MYLK: variants seen among roughly 807,000 people sequenced by gnomAD.
The protein encoded by MYLK is myosin light chain kinase, smooth muscle.
In MYLK, 106 loss-of-function variants were observed where a neutral mutation model predicts 203.4. The ratio of observed to expected loss-of-function variants is 0.52; its 90% CI spans 0.45 to 0.61. The LOEUF is 0.61. MYLK is among the 20% of genes least tolerant of loss of function. The pLI, the probability that MYLK is intolerant of heterozygous loss-of-function variation, is 0.00. For missense variants in MYLK, 2,072 were observed against 2,442.3 expected (o/e 0.85, Z 3.20); for synonymous variants, 867 against 959.5 (o/e 0.90, Z 1.78).
chr3:123,617,430 C>T (rs958635029), intron 33 of MYLK: 1 of 152,188 alleles, frequency 6.6e-6, no homozygotes, highest in Non-Finnish European at 1.5e-5. Flanking sequence ...GGCAGCACAT[C>T]CACTTTCTTT....
intron 4 of MYLK, among the ~76,000 whole-genome samples, chr3:123,774,777 A>G (rs1471607841): frequency 1.3e-5 from 2 of 152,206 alleles, no homozygotes; most frequent in African/African-American, 2.4e-5. Context: ...GGCCTTCTTC[A>G]TGAGGTCTTC....
chr3:123,774,124 CT>C (rs2063978993), intron 4 of MYLK, among the ~76,000 whole-genome samples: 1 of 152,238 alleles, frequency 6.6e-6, no homozygotes, highest in South Asian at 2.1e-4. Context: ...TAAGGCTCCA[CT>C]TCTGAGGTTG....
intron 19 of MYLK, among the ~76,000 whole-genome samples, chr3:123,686,429 G>T (rs1040426519): frequency 6.6e-6 from 1 of 151,892 alleles, no homozygotes; most frequent in Admixed American, 6.6e-5. Context: ...CCCCACGCAG[G>T]GGGCATGAGG....
intron 19 of MYLK, chr3:123,691,806 C>T (rs2060680754): frequency 6.6e-6 from 1 of 152,206 alleles, no homozygotes; most frequent in South Asian, 2.1e-4. Context: ...AAACTATTTC[C>T]CCAAAACTAC....
rs2066322708 is a variant in MYLK at position 123,831,401 on chromosome 3, T to A, written c.-4+147A>T. 2.3e-6 allele frequency: 3 copies of A among 1,289,590 alleles called. No homozygotes were observed. In the East Asian group the frequency reaches 1.7e-4, roughly 72 times the overall value. The allele number at this position is 1,289,590 out of a possible 1,614,324, so 79.9% of individuals were successfully genotyped here. On this transcript the variant is annotated intron_variant, in intron 3 of 33. Coordinates refer to ENST00000360304, the MANE Select transcript of MYLK (RefSeq NM_053025.4). The stretch of plus-strand genomic sequence containing the variant: ...CATACTGCCTTCACTCTTACCTGCT[T>A]GGGCAGCTGGCCAGGTGCCATCTCA...
intron 1 of MYLK, among the ~76,000 whole-genome samples, chr3:123,882,550 G>A (rs560992462): frequency 2.6e-4 from 40 of 152,334 alleles, no homozygotes; most frequent in Non-Finnish European, 5.6e-4. Context: ...TCCCCACTGT[G>A]GGGTGGTTCT....
Position 123,739,050 on chromosome 3 carries a change from T to G in MYLK, c.435A>C (p.Ser145=), listed in dbSNP as rs747805468. The G allele has an allele frequency of 3.4e-5, 55 of 1,613,664 alleles. No homozygotes were observed. Among genetic ancestry groups the G allele is most frequent in the Non-Finnish European group, 4.6e-5 (54 of 1,179,928 alleles). Residue 145 remains serine (S), a synonymous_variant, in exon 7 of 34, where the codon TCA becomes TCC. Transcript: ENST00000360304. Reference sequence around the variant, plus strand: ...TAGGACGGGTCTCCACTGCTGGAGCTGAAAATCTATCCCTGTAAGGAAATT... The same window carrying G: ...TAGGACGGGTCTCCACTGCTGGAGCGGAAAATCTATCCCTGTAAGGAAATT... ...VVSKTLGDRF[S]APAVETRPSI...
In MYLK at chr3:123,642,906, C is replaced by T. The variant is rs566579035; in HGVS notation, c.4620-2402G>A. Among the ~76,000 whole-genome samples the T allele has an allele frequency of 1.2e-3, 177 of 152,288 alleles. No individual in the cohort carries two copies. Among genetic ancestry groups the T allele is most frequent in the Non-Finnish European group, 2.0e-3 (139 of 68,018 alleles). On this transcript the variant is annotated intron_variant, in intron 27 of 33. Transcript: ENST00000360304. This position sits in a 1 kb window ranked among gnomAD's most constrained non-coding sequence, Gnocchi z 4.2. ...TATTAAAAATACAAATTCCCAAGCT[C>T]CTCCTCTGGAGATTTTGATTTAGAA...
chr3:123,702,273 A>G (rs1197367382), intron 16 of MYLK, among the ~76,000 whole-genome samples: 1 of 152,028 alleles, frequency 6.6e-6, no homozygotes, highest in Non-Finnish European at 1.5e-5. Context: ...GGCATTTCTG[A>G]GCTCTGACCA....
chr3:123,660,977 T>C (rs2108298658), intron 23 of MYLK, among the ~76,000 whole-genome samples: 1 of 152,312 alleles, frequency 6.6e-6, no homozygotes, highest in East Asian at 1.9e-4. Context: ...AGTCCTATTT[T>C]ATTGAGCAAT....
At chr3:123,828,602 A>G (rs978994641) in intron 3 of MYLK, among the ~76,000 whole-genome samples, 3 of 152,192 alleles carry the variant, frequency 2.0e-5, no homozygotes, top group Non-Finnish European at 2.9e-5. Context: ...AAAATAAACA[A>G]ATAGTATTAT....
intron 23 of MYLK, among the ~76,000 whole-genome samples, chr3:123,663,566 G>A (rs906426420): frequency 2.6e-5 from 4 of 152,066 alleles, no homozygotes; most frequent in Non-Finnish European, 4.4e-5. Flanking sequence ...CGACACTTAC[G>A]GGCTGCTGGG....
At position 123,664,180 on chromosome 3, in the gene MYLK, G is replaced by C. The variant is rs758161864; in HGVS notation, c.3910C>G (p.His1304Asp). 11 of 1,614,058 alleles carry C rather than the reference G, an allele frequency of 6.8e-6. No homozygotes were observed. The Admixed American group carries it at 1.0e-4, about 15-fold the overall frequency. ...KLTILAARQE[H>D]CGCYTLLVEN... ...ACCAGCAGTGTGTAGCAGCCGCAGT[G>C]CTCCTGGCGCGCGGCCAGGATGGTG... The change falls in exon 23 of 34, where the codon CAC becomes GAC. Residue 1304 changes from histidine to aspartate, a missense_variant. His to Asp is a moderately conservative substitution (Grantham distance 81). This residue lies in a region of MYLK where 865 missense variants were observed against 1,016.0 expected (regional missense o/e 0.85). Coordinates refer to ENST00000360304, the MANE Select transcript of MYLK (RefSeq NM_053025.4).
intron 18 of MYLK, among the ~76,000 whole-genome samples, chr3:123,694,945 G>C (rs952721874): frequency 6.6e-6 from 1 of 152,252 alleles, no homozygotes; most frequent in Non-Finnish European, 1.5e-5. Flanking sequence ...CCTCAGCCTG[G>C]TGGGGAATTC....
intron 23 of MYLK, among the ~76,000 whole-genome samples, chr3:123,661,723 G>A (rs2059567778): frequency 6.6e-6 from 1 of 152,150 alleles, no homozygotes; most frequent in African/African-American, 2.4e-5. Context: ...GCCAGGGAGA[G>A]GAACAGAGCA....
chr3:123,664,266 C>G lies in MYLK; in HGVS notation c.3832-8G>C, dbSNP rs202218458. ...GTGCTCGCTTTCCTGGATCTAGGGGCGGAGGATGGAGCAGGTGCTGGAGCC... is the reference window on the plus strand; with the variant it reads ...GTGCTCGCTTTCCTGGATCTAGGGGGGGAGGATGGAGCAGGTGCTGGAGCC... On this transcript the variant is annotated splice_region_variant and splice_polypyrimidine_tract_variant and intron_variant, in intron 22 of 33. Transcript: ENST00000360304. 45 of 1,614,088 alleles carry G rather than the reference C, an allele frequency of 2.8e-5. 1 individual carries two copies. The Admixed American group carries it at 5.3e-4, about 19-fold the overall frequency.
rs1194817371 is a variant in MYLK, at chr3:123,629,364, C to A, written c.5114+110G>T. On this transcript the variant is annotated intron_variant, in intron 30 of 33. Coordinates refer to ENST00000360304, the MANE Select transcript of MYLK (RefSeq NM_053025.4). This position sits in a 1 kb window ranked among gnomAD's most constrained non-coding sequence, Gnocchi z 4.4. ...CTTCCTCAGGGAATGCTAGGAACGACCCAAGGCGGGGTGGCAAGGAGGGCA... is the reference window on the plus strand; with the variant it reads ...CTTCCTCAGGGAATGCTAGGAACGAACCAAGGCGGGGTGGCAAGGAGGGCA... The A allele has an allele frequency of 3.6e-6, 5 of 1,376,616 alleles. No homozygotes were observed. The highest frequency in any genetic ancestry group is 5.1e-6 in the Non-Finnish European group (5 of 984,776). 85.3% of individuals were successfully genotyped at this position (1,376,616 alleles called of 1,614,324 possible). A position where few individuals can be genotyped will look rare whatever the true frequency, so the allele number is the denominator to read the frequency against.
rs541707276 is a variant in MYLK at position 123,816,847 on chromosome 3, T to C, written c.-4+14701A>G. Among the ~76,000 whole-genome samples the C allele has an allele frequency of 5.3e-5, 8 of 152,298 alleles. No individual in the cohort carries two copies. In the South Asian group the frequency reaches 1.7e-3, roughly 32 times the overall value. On this transcript the variant is annotated intron_variant, in intron 3 of 33. Coordinates refer to ENST00000360304, the MANE Select transcript of MYLK (RefSeq NM_053025.4). ...GTATGGACATTCCACAGACAGATCA[T>C]TTCCGGTGCCACAGAAAGCTTCGGA...
chr3:123,651,610 G>A (rs372516203), intron 24 of MYLK, among the ~76,000 whole-genome samples: 4 of 152,302 alleles, frequency 2.6e-5, no homozygotes, highest in African/African-American at 9.6e-5. Flanking sequence ...CAGAGTGAGA[G>A]GGAAAGGAGA....
Sources: allele counts gnomAD v4.1 joint callset (sites outside exome capture counted in the v4.1 genomes callset), GRCh38; gene constraint gnomAD v4.1.1; regional missense constraint gnomAD v4.1.1; non-coding constraint Gnocchi (gnomAD v3.1); transcripts MANE v1.5; gene names NCBI Gene and HGNC (gene_info 2026-07-23, HGNC 2026-07-21).